The following CEP43 variants were observed in gnomAD, a reference collection of about 807,000 sequenced individuals.
CEP43 encodes the protein FGFR1 oncogene partner.
In CEP43, 36 loss-of-function variants were observed where a neutral mutation model predicts 52.6. The observed-to-expected ratio is 0.68, with a 90% CI of 0.52 to 0.90. CEP43 has a LOEUF of 0.90. Ranked by LOEUF, CEP43 falls within the 40% of genes least tolerant of loss-of-function variation. The pLI, the probability that CEP43 is intolerant of heterozygous loss-of-function variation, is 0.00. For synonymous variants in CEP43, 192 were observed against 172.4 expected, an observed-to-expected ratio of 1.11 and a Z score of -0.89; for missense variants, 506 against 472.8, an observed-to-expected ratio of 1.07 and a Z score of -0.65.
chr6:166,999,802 G>A, intron 1 of CEP43: 1 of 528,052 alleles, frequency 1.9e-6, no homozygotes, highest in Non-Finnish European at 3.3e-6. Flanking sequence ...CGGGCGGCCC[G>A]CAGCTGGGCC....
intron 5 of CEP43, among the ~76,000 whole-genome samples, chr6:167,008,268 G>C (rs1779899907): frequency 6.6e-6 from 1 of 151,930 alleles, no homozygotes; most frequent in African/African-American, 2.4e-5. Flanking sequence ...CCCTTCCCCA[G>C]CTGTGGAATT....
At chr6:167,008,616 C>T (rs576821040) in intron 5 of CEP43, among the ~76,000 whole-genome samples, 46 of 152,132 alleles carry the variant, frequency 3.0e-4, no homozygotes, top group Non-Finnish European at 5.9e-4. Context: ...TACAGGCAGC[C>T]ACCACCACAC....
rs573049174 is a variant in CEP43, at chr6:167,041,880, G to A, written c.*1902G>A. The A allele has an allele frequency of 6.9e-6, 6 of 866,346 alleles. No individual in the cohort carries two copies. The highest frequency in any genetic ancestry group is 6.0e-5 in the Admixed American group (1 of 16,616). 53.7% of individuals were successfully genotyped at this position (866,346 alleles called of 1,614,324 possible). A position where few individuals can be genotyped will look rare whatever the true frequency, so the allele number is the denominator to read the frequency against. The stretch of plus-strand genomic sequence containing the variant: ...ACTGTGTCACTCAGACTGGAGTACA[G>A]TGATGCGATCTCGGCTCACTGCAAC... On this transcript the variant is annotated 3_prime_UTR_variant, in exon 13 of 13. Transcript: ENST00000366847.
Position 167,004,297 on chromosome 6 carries a change from C to T in CEP43, c.334C>T (p.Arg112Ter), listed in dbSNP as rs201719790. The T allele has an allele frequency of 6.2e-6, 10 of 1,606,214 alleles. No individual in the cohort carries two copies. In the African/African-American group the frequency reaches 6.7e-5, roughly 11 times the overall value. ...TCTCGAAGGTCGAGAGAATTTAGCC[C>T]GAGATTTAGGTATAATTGAAGCAGA... is the stretch of plus-strand genomic sequence containing the variant. ...QGLEGRENLA[R>*]DLGIIEAEGT... The change falls in exon 5 of 13, where the codon CGA becomes TGA. Residue 112 changes from arginine (R) to a stop codon, truncating the protein, a stop_gained. Coordinates refer to ENST00000366847, the MANE Select transcript of CEP43 (RefSeq NM_007045.4). LOFTEE classifies it high-confidence loss of function.
At chr6:167,036,644 A>G (rs1178120319) in intron 12 of CEP43, 2 of 985,272 alleles carry the variant, frequency 2.0e-6, no homozygotes, top group East Asian at 2.3e-4. Context: ...GCTTGCTATC[A>G]CAGGGATCCT....
Position 167,041,183 on chromosome 6 carries a change from G to A in CEP43, c.*1205G>A. On this transcript the variant is annotated 3_prime_UTR_variant, in exon 13 of 13. Coordinates refer to ENST00000366847, the MANE Select transcript of CEP43 (RefSeq NM_007045.4). Reference sequence around the variant, plus strand: ...TAATTCATTGATCTCGGTTAAGTGAGCAGACTGCATGACTTGTGTAATGCC... The same window carrying A: ...TAATTCATTGATCTCGGTTAAGTGAACAGACTGCATGACTTGTGTAATGCC... The A allele has an allele frequency of 9.5e-7, 1 of 1,047,230 alleles. No individual in the cohort carries two copies. Among genetic ancestry groups the A allele is most frequent in the Non-Finnish European group, 1.2e-6 (1 of 868,114 alleles). 64.9% of individuals were successfully genotyped at this position (1,047,230 alleles called of 1,614,324 possible).
At chr6:167,033,470 T>C (rs1780518795) in intron 11 of CEP43, among the ~76,000 whole-genome samples, 1 of 152,204 alleles carries the variant, frequency 6.6e-6, no homozygotes, top group Non-Finnish European at 1.5e-5. Flanking sequence ...GTTGTGGATA[T>C]GATTCGAAAT....
intron 2 of CEP43, among the ~76,000 whole-genome samples, chr6:167,002,257 C>G (rs1001895895): frequency 6.6e-6 from 1 of 151,130 alleles, no homozygotes; most frequent in African/African-American, 2.4e-5. Context: ...AGTAGGTACT[C>G]TTTTTTTTTG....
intron 7 of CEP43, 76 bp from the exon 8 acceptor site, chr6:167,022,333 G>A: frequency 9.7e-7 from 1 of 1,033,282 alleles, no homozygotes; most frequent in South Asian, 1.5e-5. Context: ...ATGCTCATGA[G>A]ACTTCTTTTA....
intron 2 of CEP43, 76 bp downstream of exon 2, chr6:167,000,189 A>G: frequency 8.5e-7 from 1 of 1,180,524 alleles, no homozygotes; most frequent in Non-Finnish European, 1.2e-6. Context: ...CCGTCTTAAA[A>G]ATAGTTTATA....
intron 10 of CEP43, among the ~76,000 whole-genome samples, chr6:167,027,312 C>A (rs1780376887): frequency 1.3e-5 from 2 of 152,186 alleles, no homozygotes; most frequent in Admixed American, 1.3e-4. Context: ...GTGTTCTGTT[C>A]TGTGCAAGAC....
At chr6:167,029,926 T>C (rs1780431092) in intron 10 of CEP43, among the ~76,000 whole-genome samples, 1 of 152,220 alleles carries the variant, frequency 6.6e-6, no homozygotes, top group African/African-American at 2.4e-5. Flanking sequence ...ACAAAGAACC[T>C]TCTTAAGCAT....
intron 7 of CEP43, among the ~76,000 whole-genome samples, chr6:167,017,194 A>G (rs1008102716): frequency 6.6e-6 from 1 of 151,896 alleles, no homozygotes; most frequent in Non-Finnish European, 1.5e-5. Flanking sequence ...ACGGGGTTTC[A>G]CTGTGTTAGC....
At chr6:167,039,336 C>T (rs990708137) in intron 12 of CEP43, among the ~76,000 whole-genome samples, 3 of 152,178 alleles carry the variant, frequency 2.0e-5, no homozygotes, top group African/African-American at 4.8e-5. Flanking sequence ...ACCATGTTGG[C>T]CAGGCTGGTC....
At chr6:167,004,178 CT>C in intron 4 of CEP43, 85 bp from the exon 5 acceptor site, 1 of 1,395,732 alleles carries the variant, frequency 7.2e-7, no homozygotes, top group South Asian at 1.5e-5. Context: ...TTAAAGATGT[CT>C]TTAAACTCTG....
chr6:167,031,079 TTAAA>T (rs1355144551), intron 10 of CEP43, among the ~76,000 whole-genome samples: 2 of 152,184 alleles, frequency 1.3e-5, no homozygotes, highest in African/African-American at 2.4e-5. Flanking sequence ...AAATTAAAAT[TTAAA>T]AAATAAAATA....
At chr6:167,020,451 G>A (rs1340732527) in intron 7 of CEP43, among the ~76,000 whole-genome samples, 3 of 152,104 alleles carry the variant, frequency 2.0e-5, no homozygotes, top group African/African-American at 4.8e-5. Flanking sequence ...CGTCTTGTTC[G>A]GTAATGTCTA....
chr6:167,039,949 G>A lies in CEP43; in HGVS notation c.1171G>A (p.Val391Ile). 1 of 1,613,768 alleles carries A rather than the reference G, an allele frequency of 6.2e-7. No individual in the cohort carries two copies. The highest frequency in any genetic ancestry group is 8.5e-7 in the Non-Finnish European group (1 of 1,179,846). The change falls in exon 13 of 13, where the codon GTT becomes ATT. Residue 391 changes from valine (V) to isoleucine (I), a missense_variant. Physicochemically the swap from Val to Ile is conservative, Grantham distance 29. Transcript: ENST00000366847. Reference protein sequence around the residue: ...QDLTVSQLSDVADYLEDVA With the variant: ...QDLTVSQLSDIADYLEDVA ...TCTGACTGTATCCCAGCTCAGTGAT[G>A]TTGCGGATTATCTGGAAGATGTTGC...
intron 5 of CEP43, among the ~76,000 whole-genome samples, chr6:167,009,960 G>C (rs1779950635): frequency 6.6e-6 from 1 of 152,172 alleles, no homozygotes; most frequent in Non-Finnish European, 1.5e-5. Context: ...TAAGAGAAAA[G>C]AAAAGCTCTC....
Sources: gnomAD v4.1 joint callset for allele counts (sites outside exome capture counted in the v4.1 genomes callset) on GRCh38, gnomAD v4.1.1 for gene constraint, MANE v1.5 for transcripts, NCBI Gene and HGNC (gene_info 2026-07-23, HGNC 2026-07-21) for gene names.